Variants in PPIP5K2 observed in about 807,000 individuals in gnomAD.
The protein encoded by PPIP5K2 is inositol hexakisphosphate and diphosphoinositol-pentakisphosphate kinase 2.
PPIP5K2 carries 105 observed loss-of-function variants against 154.6 expected under a neutral mutation model. The observed-to-expected ratio is 0.68, with a 90% CI of 0.58 to 0.80. The LOEUF (loss-of-function observed/expected upper bound fraction) is 0.80, where lower values mean the gene tolerates loss of function less well. Ranked by LOEUF, PPIP5K2 falls within the 30% of genes least tolerant of loss-of-function variation. The pLI is 0.00. For missense variants in PPIP5K2, 992 were observed against 1,504.6 expected, an observed-to-expected ratio of 0.66 and a Z score of 5.64; for synonymous variants, 480 against 490.3, an observed-to-expected ratio of 0.98 and a Z score of 0.28.
At chr5:103,180,456 C>T (rs1251100710) in intron 24 of PPIP5K2, among the ~76,000 whole-genome samples, 10 of 150,422 alleles carry the variant, frequency 6.6e-5, no homozygotes, top group African/African-American at 2.2e-4. Context: ...AAAATGAATG[C>T]TTTTTTTTTG....
At chr5:103,150,924 A>AT (rs1794551510) in intron 8 of PPIP5K2, among the ~76,000 whole-genome samples, 1 of 141,280 alleles carries the variant, frequency 7.1e-6, no homozygotes, top group Non-Finnish European at 1.5e-5. Context: ...TCCTTTAAAA[A>AT]TTTTGCTTTT....
At chr5:103,158,985 A>G (rs1795821959) in intron 16 of PPIP5K2, among the ~76,000 whole-genome samples, 161 bp from the exon 17 acceptor site, 1 of 152,180 alleles carries the variant, frequency 6.6e-6, no homozygotes, top group South Asian at 2.1e-4. Context: ...TGTATTTGGA[A>G]CTTTCAAGTA....
intron 1 of PPIP5K2, chr5:103,120,790 G>A (rs1014032306): frequency 2.7e-5 from 8 of 294,796 alleles, no homozygotes; most frequent in African/African-American, 1.7e-4. Context: ...TCTACCCCAC[G>A]CTGTGCCTGG....
At chr5:103,174,169 T>G in intron 21 of PPIP5K2, 197 bp downstream of exon 21, 1 of 450,942 alleles carries the variant, frequency 2.2e-6, no homozygotes, top group Non-Finnish European at 3.9e-6. Context: ...AGAAGATACA[T>G]TTAAGCAAAC....
In PPIP5K2 at chr5:103,190,987, G is replaced by A. The variant is rs1257676614; in HGVS notation, c.3493+5G>A. ...CACGGAAGACCGCTGAAATTTGTAG[G>A]AAATTTTTCTTTCATTGTTATTATT... On this transcript the variant is annotated splice_donor_5th_base_variant and intron_variant, in intron 29 of 30. Coordinates refer to ENST00000358359, the MANE Select transcript of PPIP5K2 (RefSeq NM_001276277.3). 5 of 1,601,422 alleles carry A rather than the reference G, an allele frequency of 3.1e-6. No individual in the cohort carries two copies. The highest frequency in any genetic ancestry group is 2.6e-6 in the Non-Finnish European group (3 of 1,175,440).
chr5:103,206,806 T>C lies in PPIP5K2; in HGVS notation c.*5172T>C, dbSNP rs967412941. The C allele has an allele frequency of 6.6e-5, 10 of 152,236 alleles. No individual in the cohort carries two copies. Among genetic ancestry groups the C allele is most frequent in the South Asian group, 2.1e-4 (1 of 4,834 alleles). 9.4% of individuals were successfully genotyped at this position (152,236 alleles called of 1,614,324 possible). On this transcript the variant is annotated 3_prime_UTR_variant, in exon 31 of 31. Coordinates refer to ENST00000358359, the MANE Select transcript of PPIP5K2 (RefSeq NM_001276277.3). Reference sequence around the variant, plus strand: ...CTGGACATGCGTCAATCAGACGACATGCAGTCCAGGCAGAGGAAATTGTTT... The same window carrying C: ...CTGGACATGCGTCAATCAGACGACACGCAGTCCAGGCAGAGGAAATTGTTT...
At chr5:103,196,837 GA>G (rs770105682) in intron 30 of PPIP5K2, among the ~76,000 whole-genome samples, 27 of 151,944 alleles carry the variant, frequency 1.8e-4, no homozygotes, top group Non-Finnish European at 1.5e-4. Flanking sequence ...ATTCTCTGAG[GA>G]AAAAAACATA....
chr5:103,180,077 AAG>A lies in PPIP5K2; in HGVS notation c.2815_2816del (p.Asp939Ter). On this transcript the variant is annotated frameshift_variant, in exon 24 of 31. Transcript: ENST00000358359. LOFTEE classifies it high-confidence loss of function. ...ATGATGATGAACCACATACTTCTAA[AAG>A]AGATGAAGTTGATCGAGCTGTGATA... ...DNDDEPHTSK[R>X]DEVDRAVILF... 1 of 1,601,712 alleles carries A rather than the reference AAG, an allele frequency of 6.2e-7. No individual in the cohort carries two copies. Among genetic ancestry groups the A allele is most frequent in the Non-Finnish European group, 8.5e-7 (1 of 1,174,820 alleles).
At chr5:103,175,433 C>G (rs373566941) in intron 21 of PPIP5K2, among the ~76,000 whole-genome samples, 1 of 151,790 alleles carries the variant, frequency 6.6e-6, no homozygotes, top group Non-Finnish European at 1.5e-5. Flanking sequence ...GCTTGTATAT[C>G]CAGTAGTATT....
At chr5:103,197,736 T>C (rs1802334441) in intron 30 of PPIP5K2, among the ~76,000 whole-genome samples, 1 of 151,192 alleles carries the variant, frequency 6.6e-6, no homozygotes, top group Admixed American at 6.6e-5. Flanking sequence ...CCACCACGCC[T>C]GGCTAATTTT....
At chr5:103,123,600 C>A (rs1414821503) in intron 1 of PPIP5K2, among the ~76,000 whole-genome samples, 3 of 152,174 alleles carry the variant, frequency 2.0e-5, no homozygotes, top group African/African-American at 7.2e-5. Flanking sequence ...CAGTTAGATT[C>A]CCAAACCTGG....
intron 7 of PPIP5K2, chr5:103,148,404 G>A (rs1257927345): frequency 9.0e-6 from 2 of 222,710 alleles, no homozygotes; most frequent in Non-Finnish European, 1.8e-5. Flanking sequence ...ATTAGTGTAA[G>A]TGAGGTTTTG....
intron 1 of PPIP5K2, among the ~76,000 whole-genome samples, chr5:103,125,940 C>A (rs1348075139): frequency 6.6e-6 from 1 of 152,180 alleles, no homozygotes; most frequent in African/African-American, 2.4e-5. Flanking sequence ...CTTACTATGG[C>A]TTCTCAGTCC....
chr5:103,176,165 A>C (rs932416479), intron 21 of PPIP5K2, among the ~76,000 whole-genome samples: 1 of 152,048 alleles, frequency 6.6e-6, no homozygotes, highest in African/African-American at 2.4e-5. Context: ...GTCTTCTTAC[A>C]TATTAATTAC....
rs782310839 is a variant in PPIP5K2 at position 103,136,789 on chromosome 5, A to G, written c.368A>G (p.Asn123Ser). ...AAACTCAGGAATCCATTTGTAATCA[A>G]TGACTTGAATATGCAGTATCTCATA... ...YAKLRNPFVI[N>S]DLNMQYLIQD... The change falls in exon 4 of 31, where the codon AAT becomes AGT. Residue 123 changes from asparagine to serine, a missense_variant. Asn to Ser is a conservative substitution (Grantham distance 46, BLOSUM62 1). Around this residue, in one of 9 missense-constraint regions of PPIP5K2, gnomAD observed 153 missense variants for 200.4 expected, o/e 0.76. Transcript: ENST00000358359. 15 of 1,613,736 alleles carry G rather than the reference A, an allele frequency of 9.3e-6. No homozygotes were observed. Among genetic ancestry groups the G allele is most frequent in the East Asian group, 2.2e-5 (1 of 44,846 alleles).
intron 21 of PPIP5K2, 122 bp from the exon 22 acceptor site, chr5:103,177,545 A>G (rs2149724761): frequency 5.5e-6 from 3 of 549,360 alleles, no homozygotes; most frequent in South Asian, 3.0e-5. Flanking sequence ...AAAATTTTGC[A>G]TATGATAAGT....
chr5:103,175,380 A>G (rs188683578), intron 21 of PPIP5K2, among the ~76,000 whole-genome samples: 44 of 148,204 alleles, frequency 3.0e-4, no homozygotes, highest in Non-Finnish European at 5.8e-4. Context: ...AAGTATGTGG[A>G]TTAGTGGGAA....
At chr5:103,165,772 A>T (rs1440223934) in intron 17 of PPIP5K2, among the ~76,000 whole-genome samples, 1 of 152,160 alleles carries the variant, frequency 6.6e-6, no homozygotes, top group African/African-American at 2.4e-5. Flanking sequence ...CAGACCATCC[A>T]CATCAATTTT....
chr5:103,159,863 G>A (rs1294440482), intron 17 of PPIP5K2, among the ~76,000 whole-genome samples: 3 of 152,016 alleles, frequency 2.0e-5, no homozygotes, highest in African/African-American at 7.3e-5. Flanking sequence ...GTACAATAGA[G>A]CTCCTGAACT....
Sources: gnomAD v4.1 joint callset for allele counts (sites outside exome capture counted in the v4.1 genomes callset) on GRCh38, gnomAD v4.1.1 for gene constraint, gnomAD v4.1.1 regional missense constraint, MANE v1.5 for transcripts, NCBI Gene and HGNC (gene_info 2026-07-23, HGNC 2026-07-21) for gene names.